Variants in SGCA observed in about 807,000 individuals in gnomAD.
SGCA encodes the protein alpha-sarcoglycan.
Under a neutral mutation model 38.1 loss-of-function variants are expected in SGCA, and 34 were observed. The observed-to-expected ratio is 0.89, with a 90% CI of 0.68 to 1.19. The LOEUF is 1.19. SGCA is among the 50% of genes most tolerant of loss of function. The pLI, the probability that SGCA is intolerant of heterozygous loss-of-function variation, is 0.00. For synonymous variants in SGCA, 209 were observed against 214.6 expected, an observed-to-expected ratio of 0.97 and a Z score of 0.23; for missense variants, 476 against 524.9, an observed-to-expected ratio of 0.91 and a Z score of 0.91.
Position 50,170,650 on chromosome 17 carries a change from G to A in SGCA, c.967G>A (p.Asp323Asn). 1 of 1,561,690 alleles carries A rather than the reference G, an allele frequency of 6.4e-7. No homozygotes were observed. The highest frequency in any genetic ancestry group is 8.7e-7 in the Non-Finnish European group (1 of 1,151,662). Residue 323 changes from aspartate (D) to asparagine (N), a missense_variant, in exon 8 of 10, where the codon GAC (aspartate) becomes AAC (asparagine). Physicochemically the swap from Asp to Asn is conservative, Grantham distance 23 (BLOSUM62 1). Transcript: ENST00000262018. ...TTCACTTTTCCACAGGCTGAAGAGA[G>A]ACCTGGCTACCTCCGAGTGAGTAAA... ...CCRREGRLKR[D>N]LATSDIQMVH...
At chr17:50,175,094 GCCCCA>G (rs1905814878) in intron 8 of SGCA, 158 bp from the exon 9 acceptor site, 4 of 738,814 alleles carry the variant, frequency 5.4e-6, no homozygotes, top group Non-Finnish European at 9.4e-6. Flanking sequence ...ACCACGCCCG[GCCCCA>G]TAGAGCTTTC....
chr17:50,167,445 A>AT lies in SGCA; in HGVS notation c.115_116insT (p.Thr39IlefsTer5), dbSNP rs1567738897. The AT allele has an allele frequency of 6.2e-7, 1 of 1,614,048 alleles. No homozygotes were observed. Among genetic ancestry groups the AT allele is most frequent in the Non-Finnish European group, 8.5e-7 (1 of 1,179,990 alleles). ...ACTTGTGGGCCGTGTCTTTGTGCAC[A>AT]CCTTGGACCATGAGACGTTTCTGAG... is the stretch of plus-strand genomic sequence containing the variant. On this transcript the variant is annotated frameshift_variant, in exon 2 of 10. Transcript: ENST00000262018. LOFTEE classifies it high-confidence loss of function. This position sits in a 1 kb window ranked among gnomAD's most constrained non-coding sequence, Gnocchi z 4.5.
At chr17:50,175,223 C>T (rs1436135389) in intron 8 of SGCA, 34 bp from the exon 9 acceptor site, 2 of 1,572,190 alleles carry the variant, frequency 1.3e-6, no homozygotes, top group Non-Finnish European at 1.7e-6. Flanking sequence ...GCAGCTGACT[C>T]CCAGAGCTGA....
At position 50,167,180 on chromosome 17, in the gene SGCA, A is replaced by G. The variant is rs1957016151; in HGVS notation, c.38-188A>G. Among the ~76,000 whole-genome samples, 1 of 152,062 alleles carries G rather than the reference A, an allele frequency of 6.6e-6. No homozygotes were observed. Among genetic ancestry groups the G allele is most frequent in the African/African-American group, 2.4e-5 (1 of 41,396 alleles). On this transcript the variant is annotated intron_variant, in intron 1 of 9. Transcript: ENST00000262018. The surrounding 1 kb of genome is among the most constrained non-coding windows in gnomAD (Gnocchi z 4.5). The stretch of plus-strand genomic sequence containing the variant: ...TTCTCCCTCGAATCCCGAAACCCAG[A>G]CGATTAAAATGTCTAGCCCAGCAGG...
intron 4 of SGCA, 93 bp from the exon 5 acceptor site, chr17:50,168,281 G>A: frequency 9.1e-7 from 1 of 1,099,028 alleles, no homozygotes; most frequent in East Asian, 2.6e-5. Context: ...GGCCTGAAGG[G>A]GTGTGCAGGG....
intron 8 of SGCA, among the ~76,000 whole-genome samples, chr17:50,173,378 T>C (rs1001862771): frequency 6.6e-6 from 1 of 152,014 alleles, no homozygotes; most frequent in Non-Finnish European, 1.5e-5. Context: ...GTGGAGTGGG[T>C]GTGGGTGAGA....
intron 5 of SGCA, 81 bp downstream of exon 5, chr17:50,168,653 T>G (rs1417227171): frequency 5.3e-6 from 7 of 1,311,478 alleles, no homozygotes; most frequent in Non-Finnish European, 7.5e-6. Context: ...CTCCCTAATT[T>G]CCAGGTGGGG....
chr17:50,170,896 CA>C (rs892800300), intron 8 of SGCA, among the ~76,000 whole-genome samples: 3 of 151,406 alleles, frequency 2.0e-5, no homozygotes, highest in African/African-American at 4.9e-5. Flanking sequence ...CCCATCTCAA[CA>C]AAAAAAAAAT....
chr17:50,170,526 C>T, intron 7 of SGCA, 114 bp from the exon 8 acceptor site: 1 of 1,367,712 alleles, frequency 7.3e-7, no homozygotes, highest in South Asian at 1.2e-5. Flanking sequence ...CCTGGCCTGG[C>T]ACCAGGAGGG....
At position 50,167,430 on chromosome 17, in the gene SGCA, C is replaced by T. The variant is rs758647756; in HGVS notation, c.100C>T (p.Arg34Cys). 22 of 1,614,072 alleles carry T rather than the reference C, an allele frequency of 1.4e-5. No individual in the cohort carries two copies. The highest frequency in any genetic ancestry group is 1.7e-5 in the Admixed American group (1 of 60,010). Reference protein sequence around the residue: ...QQTTLHPLVGRVFVHTLDHET... With the variant: ...QQTTLHPLVGCVFVHTLDHET... ...GACCACGCTACACCCACTTGTGGGC[C>T]GTGTCTTTGTGCACACCTTGGACCA... is the stretch of plus-strand genomic sequence containing the variant. The change falls in exon 2 of 10, where the codon CGT (arginine) becomes TGT (cysteine). Residue 34 changes from arginine to cysteine, a missense_variant. Transcript: ENST00000262018. This position sits in a 1 kb window ranked among gnomAD's most constrained non-coding sequence, Gnocchi z 4.5.
In SGCA at chr17:50,167,722, C is replaced by T. The variant is rs1905036377; in HGVS notation, c.298C>T (p.Leu100Phe). 6 of 1,610,892 alleles carry T rather than the reference C, an allele frequency of 3.7e-6. No homozygotes were observed. Among genetic ancestry groups the T allele is most frequent in the Non-Finnish European group, 8.5e-7 (1 of 1,177,828 alleles). Residue 100 changes from leucine to phenylalanine, a missense_variant, in exon 3 of 10, where the codon CTC (leucine) becomes TTC (phenylalanine). Physicochemically the swap from Leu to Phe is conservative, Grantham distance 22 (BLOSUM62 0). Coordinates refer to ENST00000262018, the MANE Select transcript of SGCA (RefSeq NM_000023.4). The surrounding 1 kb of genome is among the most constrained non-coding windows in gnomAD (Gnocchi z 4.5). The stretch of plus-strand genomic sequence containing the variant: ...CTCTGCCACCCCAGAAGATCGTGGG[C>T]TCCAGGTCATTGAGGTGCCGTCAGG... The part of the protein sequence containing the change: ...YGSATPEDRG[L>F]QVIEVTAYNR...
chr17:50,170,358 G>A lies in SGCA; in HGVS notation c.956+7G>A, dbSNP rs1598270831. 1 of 1,612,880 alleles carries A rather than the reference G, an allele frequency of 6.2e-7. No homozygotes were observed. The highest frequency in any genetic ancestry group is 8.5e-7 in the Non-Finnish European group (1 of 1,178,962). On this transcript the variant is annotated splice_region_variant and intron_variant, in intron 7 of 9. Transcript: ENST00000262018. ...GCTGCCGGCGGGAGGGAAGGTGAAT[G>A]TGGGCATGAAGGGCGGGGGAGCACC...
Position 50,167,881 on chromosome 17 carries a change from G to T in SGCA, c.313-66G>T. On this transcript the variant is annotated intron_variant, in intron 3 of 9. Coordinates refer to ENST00000262018, the MANE Select transcript of SGCA (RefSeq NM_000023.4). This position sits in a 1 kb window ranked among gnomAD's most constrained non-coding sequence, Gnocchi z 4.5. ...TAATTTGGTATCTGAGTCCTCTCCT[G>T]CCAGGCCCCCGCTGTGCCACGTTTC... 6.4e-7 allele frequency: 1 copy of T among 1,557,080 alleles called. No homozygotes were observed. Among genetic ancestry groups the T allele is most frequent in the Non-Finnish European group, 8.9e-7 (1 of 1,128,232 alleles).
intron 1 of SGCA, 105 bp downstream of exon 1, chr17:50,166,182 G>A: frequency 1.0e-6 from 1 of 971,650 alleles, no homozygotes; most frequent in Non-Finnish European, 1.7e-6. Context: ...ATCTGGGTTG[G>A]GTGAGGCAGG....
Position 50,170,728 on chromosome 17 carries a change from AC to A in SGCA, c.983+64del, listed in dbSNP as rs1905314632. 5 of 1,342,912 alleles carry A rather than the reference AC, an allele frequency of 3.7e-6. No homozygotes were observed. The South Asian group carries it at 5.0e-5, about 13-fold the overall frequency. 83.2% of individuals were successfully genotyped at this position (1,342,912 alleles called of 1,614,324 possible). A position where few individuals can be genotyped will look rare whatever the true frequency, so the allele number is the denominator to read the frequency against. On this transcript the variant is annotated intron_variant, in intron 8 of 9. Transcript: ENST00000262018. Reference sequence around the variant, plus strand: ...ACCTAGACAGTTGTTGGACCCCGCCACCAAACTATGCCATGAACAGCAGAGA... The same window carrying A: ...ACCTAGACAGTTGTTGGACCCCGCCACAAACTATGCCATGAACAGCAGAGA...
intron 8 of SGCA, chr17:50,171,831 C>T (rs773211747): frequency 2.6e-5 from 12 of 456,658 alleles, no homozygotes; most frequent in South Asian, 1.9e-4. Flanking sequence ...GCCAGGGACA[C>T]ATACTTGCAG....
At position 50,167,534 on chromosome 17, in the gene SGCA, C is replaced by T. The variant is rs766671542; in HGVS notation, c.157+47C>T. The T allele has an allele frequency of 3.1e-6, 5 of 1,613,924 alleles. No individual in the cohort carries two copies. The highest frequency in any genetic ancestry group is 4.5e-5 in the East Asian group (2 of 44,896). On this transcript the variant is annotated intron_variant, in intron 2 of 9. Transcript: ENST00000262018. The surrounding 1 kb of genome is among the most constrained non-coding windows in gnomAD (Gnocchi z 4.5). ...CAGGCGGGCGGGCTGGGGTGTACCC[C>T]GCAGGGCTCCTGCTGTGACTCGAAT...
chr17:50,166,729 ACACACACCCT>A (rs1223742050), intron 1 of SGCA, among the ~76,000 whole-genome samples: 1,179 of 98,998 alleles, frequency 0.012, 26 homozygotes, highest in African/African-American at 0.032. Context: ...ACACACCCTC[ACACACACCCT>A]CACACACCCT....
intron 5 of SGCA, among the ~76,000 whole-genome samples, chr17:50,168,794 T>A (rs1160546872): frequency 3.3e-5 from 5 of 151,966 alleles, no homozygotes; most frequent in Non-Finnish European, 5.9e-5. Flanking sequence ...TGGTGCCTCA[T>A]GAGGACGTAC....
Sources: gnomAD v4.1 joint callset for allele counts (sites outside exome capture counted in the v4.1 genomes callset) on GRCh38, gnomAD v4.1.1 for gene constraint, Gnocchi (gnomAD v3.1) non-coding constraint, MANE v1.5 for transcripts, NCBI Gene and HGNC (gene_info 2026-07-23, HGNC 2026-07-21) for gene names.